The following SSH2 variants were observed in gnomAD, a reference collection of about 807,000 sequenced individuals.
SSH2 encodes the protein slingshot protein phosphatase 2.
A neutral mutation model predicts 135.2 loss-of-function variants in SSH2; 37 were observed. The ratio of observed to expected loss-of-function variants is 0.27; its 90% confidence interval spans 0.21 to 0.36. The LOEUF (loss-of-function observed/expected upper bound fraction) is 0.36. Ranked by LOEUF, SSH2 falls within the 10% of genes least tolerant of loss-of-function variation. The pLI is 1.00. For synonymous variants in SSH2, 628 were observed against 646.2 expected, an observed-to-expected ratio of 0.97 and a Z score of 0.43; for missense variants, 1,408 against 1,765.3, an observed-to-expected ratio of 0.80 and a Z score of 3.63.
intron 3 of SSH2, among the ~76,000 whole-genome samples, chr17:29,711,870 T>C (rs2039442918): frequency 6.6e-6 from 1 of 152,208 alleles, no homozygotes; most frequent in Non-Finnish European, 1.5e-5. Context: ...TGAATGACTT[T>C]AGCTCTTTCC....
intron 2 of SSH2, among the ~76,000 whole-genome samples, chr17:29,807,693 A>G (rs1226328498): frequency 6.6e-6 from 1 of 152,176 alleles, no homozygotes; most frequent in African/African-American, 2.4e-5. Context: ...TGACTAGCTG[A>G]GTTAAAACCC....
chr17:29,757,796 G>C (rs529937609), intron 3 of SSH2, among the ~76,000 whole-genome samples: 1 of 147,376 alleles, frequency 6.8e-6, no homozygotes, highest in Non-Finnish European at 1.5e-5. Flanking sequence ...GGGTGGGGTG[G>C]GGGGCCGGGG....
chr17:29,908,826 C>T (rs997488079), intron 1 of SSH2, among the ~76,000 whole-genome samples: 5 of 147,322 alleles, frequency 3.4e-5, no homozygotes, highest in African/African-American at 1.3e-4. Flanking sequence ...CGCCTGTAAT[C>T]CCAGCAATTT....
intron 1 of SSH2, among the ~76,000 whole-genome samples, chr17:29,906,521 A>C (rs1445415275): frequency 6.6e-6 from 1 of 152,220 alleles, no homozygotes; most frequent in Non-Finnish European, 1.5e-5. Context: ...ATGGGATCTA[A>C]CTAAATTAAA....
intron 2 of SSH2, chr17:29,838,777 G>C (rs1171446983): frequency 6.5e-6 from 1 of 154,334 alleles, no homozygotes; most frequent in Non-Finnish European, 1.4e-5. Context: ...CTGTTCTATC[G>C]CTCAATAAAG....
chr17:29,874,775 T>G (rs1400741835), intron 1 of SSH2, among the ~76,000 whole-genome samples: 2 of 152,184 alleles, frequency 1.3e-5, no homozygotes, highest in Non-Finnish European at 2.9e-5. Flanking sequence ...AATAATTAAA[T>G]TGCCTTTATG....
intron 3 of SSH2, 146 bp from the exon 4 acceptor site, chr17:29,703,208 G>C: frequency 1.6e-6 from 1 of 628,236 alleles, no homozygotes; most frequent in Non-Finnish European, 2.9e-6. Flanking sequence ...GAGAGGCTGT[G>C]GTTACTCACT....
rs187947047 is a variant in SSH2, at chr17:29,760,270, T to G, written c.188+33624A>C. On this transcript the variant is annotated intron_variant, in intron 3 of 15. Transcript: ENST00000540801. ...GAGGGAGACAGTAGCTTTGCTTAAG[T>G]GCAAAGAGTCTAGGAAAATCCCAGC... Among the ~76,000 whole-genome samples the G allele has an allele frequency of 2.0e-5, 3 of 152,306 alleles. No individual in the cohort carries two copies. In the East Asian group the frequency reaches 5.8e-4, roughly 29 times the overall value.
At chr17:29,799,676 A>G (rs1181416547) in intron 2 of SSH2, among the ~76,000 whole-genome samples, 1 of 151,936 alleles carries the variant, frequency 6.6e-6, no homozygotes, top group Non-Finnish European at 1.5e-5. Context: ...TGATGAGAAT[A>G]TGTGGATAAG....
At chr17:29,915,985 C>A (rs1244192576) in intron 1 of SSH2, among the ~76,000 whole-genome samples, 5 of 121,224 alleles carry the variant, frequency 4.1e-5, no homozygotes, top group Admixed American at 1.9e-4. Flanking sequence ...CCCCCTCCCC[C>A]CACCCCACAA....
Position 29,875,792 on chromosome 17 carries a change from C to T in SSH2, c.64-26863G>A, listed in dbSNP as rs182274212. On this transcript the variant is annotated intron_variant, in intron 1 of 15. Transcript: ENST00000540801. Reference sequence around the variant, plus strand: ...TTAAATGACTCTTTTTCTTTTACCCCATGCCTGGCTCCTACTTATTCTTCA... The same window carrying T: ...TTAAATGACTCTTTTTCTTTTACCCTATGCCTGGCTCCTACTTATTCTTCA... 2.8e-4 allele frequency among the ~76,000 whole-genome samples: 43 copies of T among 152,142 alleles called. No homozygotes were observed. The East Asian group carries it at 7.9e-3, about 28-fold the overall frequency.
chr17:29,756,165 C>G (rs999183217), intron 3 of SSH2, among the ~76,000 whole-genome samples: 2 of 150,422 alleles, frequency 1.3e-5, no homozygotes, highest in African/African-American at 2.4e-5. Flanking sequence ...CCCAGCTACT[C>G]GGGAGGCTGA....
intron 3 of SSH2, among the ~76,000 whole-genome samples, chr17:29,722,033 T>C (rs1408745444): frequency 6.6e-6 from 1 of 152,022 alleles, no homozygotes; most frequent in African/African-American, 2.4e-5. Flanking sequence ...TCCCAGCACT[T>C]TGGGAGGCTG....
intron 3 of SSH2, among the ~76,000 whole-genome samples, chr17:29,703,606 C>T (rs1423600213): frequency 1.4e-5 from 2 of 146,440 alleles, no homozygotes; most frequent in African/African-American, 2.5e-5. Flanking sequence ...GATGGAGTCT[C>T]ACTCTGTTGC....
At chr17:29,825,114 C>T (rs946045234) in intron 2 of SSH2, among the ~76,000 whole-genome samples, 5 of 152,144 alleles carry the variant, frequency 3.3e-5, no homozygotes, top group Non-Finnish European at 7.3e-5. Context: ...TTACATGAAC[C>T]AACAAATCTT....
At chr17:29,744,919 T>C (rs1385113481) in intron 3 of SSH2, among the ~76,000 whole-genome samples, 4 of 148,440 alleles carry the variant, frequency 2.7e-5, no homozygotes, top group African/African-American at 9.9e-5. Flanking sequence ...AAACAAACCA[T>C]AAAGCCACTA....
intron 1 of SSH2, among the ~76,000 whole-genome samples, chr17:29,914,359 A>G (rs563097657): frequency 1.6e-4 from 24 of 152,162 alleles, no homozygotes; most frequent in African/African-American, 5.5e-4. Flanking sequence ...CAGGAGTTTG[A>G]GACCAACCTG....
At chr17:29,759,801 G>T (rs866709510) in intron 3 of SSH2, among the ~76,000 whole-genome samples, 5 of 152,098 alleles carry the variant, frequency 3.3e-5, no homozygotes, top group African/African-American at 1.2e-4. Flanking sequence ...ACCACATTTT[G>T]TTAATCCATT....
chr17:29,876,331 G>A (rs563004234), intron 1 of SSH2, among the ~76,000 whole-genome samples: 2 of 152,026 alleles, frequency 1.3e-5, no homozygotes, highest in East Asian at 3.9e-4. Context: ...AATCCAGAAA[G>A]AAATCCACAC....
Sources: gnomAD v4.1 joint callset for allele counts (sites outside exome capture counted in the v4.1 genomes callset) on GRCh38, gnomAD v4.1.1 for gene constraint, MANE v1.5 for transcripts, NCBI Gene and HGNC (gene_info 2026-07-23, HGNC 2026-07-21) for gene names.